The following SORCS3 variants were observed in gnomAD, a reference collection of about 807,000 sequenced individuals.
SORCS3 encodes the protein sortilin related VPS10 domain containing receptor 3.
A neutral mutation model predicts 146.3 loss-of-function variants in SORCS3; 57 were observed. That is an observed-to-expected ratio of 0.39 (90% CI 0.31 to 0.49). SORCS3 has a LOEUF of 0.49. Among genes scored for constraint, SORCS3 ranks in the 20% least tolerant of loss-of-function variants. The probability of loss-of-function intolerance (pLI) is 0.92; values close to 1 mark genes in which losing one functional copy is unlikely to be tolerated. For synonymous variants in SORCS3, 653 were observed against 618.5 expected (o/e 1.06, Z -0.83); for missense variants, 1,341 against 1,575.5 (o/e 0.85, Z 2.52).
In SORCS3 at chr10:104,696,573, A is replaced by ATT. The variant is rs1211312170; in HGVS notation, c.627+54619_627+54620insTT. On this transcript the variant is annotated intron_variant, in intron 1 of 26. Transcript: ENST00000369701. ...TATAGAATATATAATATACGTATAT[A>ATT]ATATATAATATATATTATATACGTA... Among the ~76,000 whole-genome samples the ATT allele has an allele frequency of 8.0e-3, 163 of 20,434 alleles. 25 individuals are homozygous for ATT. The highest frequency in any genetic ancestry group is 0.02 in the African/African-American group (124 of 6,090). The allele number at this position is 20,434 out of a possible 152,430, so 13.4% of individuals were successfully genotyped here. A position where few individuals can be genotyped will look rare whatever the true frequency, so the allele number is the denominator to read the frequency against.
chr10:105,201,921 T>C (rs2056577040), intron 16 of SORCS3, among the ~76,000 whole-genome samples: 1 of 152,154 alleles, frequency 6.6e-6, no homozygotes, highest in Non-Finnish European at 1.5e-5. Flanking sequence ...TGCCCAGTTT[T>C]TCTAATTTCA....
chr10:104,870,783 C>T (rs58334399), intron 2 of SORCS3, among the ~76,000 whole-genome samples: 2,463 of 152,262 alleles, frequency 0.016, 68 homozygotes, highest in African/African-American at 0.056. Context: ...TGAGGCATCC[C>T]ACACTCTCTT....
chr10:105,094,043 G>A (rs1338644388), intron 6 of SORCS3, among the ~76,000 whole-genome samples: 1 of 152,048 alleles, frequency 6.6e-6, no homozygotes, highest in Admixed American at 6.5e-5. Flanking sequence ...GATGCTACTC[G>A]GTATTACTCA....
At chr10:105,049,009 G>T (rs894760649) in intron 5 of SORCS3, among the ~76,000 whole-genome samples, 4 of 151,864 alleles carry the variant, frequency 2.6e-5, no homozygotes, top group Admixed American at 2.0e-4. Context: ...CATTTTTGAT[G>T]ATCATAAGTA....
intron 1 of SORCS3, among the ~76,000 whole-genome samples, chr10:104,661,696 GATA>G (rs2015703912): frequency 1.3e-5 from 2 of 151,962 alleles, no homozygotes; most frequent in African/African-American, 4.8e-5. Flanking sequence ...TAGATAGATA[GATA>G]GACAGATAGA....
intron 11 of SORCS3, among the ~76,000 whole-genome samples, chr10:105,161,450 TC>T (rs2056262058): frequency 6.6e-6 from 1 of 152,038 alleles, no homozygotes; most frequent in African/African-American, 2.4e-5. Context: ...CTCTCTCCAC[TC>T]CCACTGCTGA....
intron 5 of SORCS3, among the ~76,000 whole-genome samples, chr10:105,077,420 C>T (rs1308578651): frequency 1.3e-5 from 2 of 151,890 alleles, no homozygotes; most frequent in East Asian, 3.9e-4. Flanking sequence ...GATGAAGGGG[C>T]AATAACTATC....
At chr10:105,207,610 A>G (rs1187925676) in intron 16 of SORCS3, among the ~76,000 whole-genome samples, 2 of 152,188 alleles carry the variant, frequency 1.3e-5, no homozygotes, top group Non-Finnish European at 2.9e-5. Context: ...GTTTTTCTAA[A>G]TCATGCAGAC....
At chr10:104,860,985 A>T (rs1166313714) in intron 2 of SORCS3, among the ~76,000 whole-genome samples, 1 of 152,120 alleles carries the variant, frequency 6.6e-6, no homozygotes, top group African/African-American at 2.4e-5. Context: ...TAAGTGAAGG[A>T]TGAAGAGTAG....
chr10:104,850,261 G>T (rs1017785611), intron 2 of SORCS3, among the ~76,000 whole-genome samples: 5 of 152,174 alleles, frequency 3.3e-5, no homozygotes, highest in African/African-American at 1.2e-4. Context: ...AATTTAGTAA[G>T]GCTGGTCATT....
chr10:105,078,976 C>G (rs1403184947), intron 5 of SORCS3, among the ~76,000 whole-genome samples: 1 of 152,154 alleles, frequency 6.6e-6, no homozygotes, highest in Non-Finnish European at 1.5e-5. Context: ...ATAAATGATT[C>G]TCAGCTCTGA....
At chr10:105,217,499 A>T (rs1214780693) in intron 19 of SORCS3, among the ~76,000 whole-genome samples, 3 of 152,234 alleles carry the variant, frequency 2.0e-5, no homozygotes, top group African/African-American at 7.2e-5. Flanking sequence ...TCTATTATGA[A>T]TGAAGACTGC....
intron 2 of SORCS3, among the ~76,000 whole-genome samples, chr10:104,850,749 G>C (rs1204661613): frequency 6.6e-6 from 1 of 152,162 alleles, no homozygotes; most frequent in Non-Finnish European, 1.5e-5. Context: ...TAGACGAAAT[G>C]ATCTTTTGAA....
intron 2 of SORCS3, among the ~76,000 whole-genome samples, chr10:104,883,861 T>C (rs933444173): frequency 2.0e-5 from 3 of 152,156 alleles, no homozygotes; most frequent in African/African-American, 7.2e-5. Flanking sequence ...CTCCTGCCTT[T>C]GCTGTCAAAT....
chr10:105,005,340 G>C (rs1227931433), intron 4 of SORCS3, among the ~76,000 whole-genome samples: 3 of 152,118 alleles, frequency 2.0e-5, no homozygotes, highest in Non-Finnish European at 4.4e-5. Context: ...ACAAATTTTT[G>C]TGTAAAATTA....
At chr10:105,233,942 G>A (rs1337943470) in intron 20 of SORCS3, among the ~76,000 whole-genome samples, 23 of 152,194 alleles carry the variant, frequency 1.5e-4, no homozygotes, top group Admixed American at 1.4e-3. Flanking sequence ...GGATTGCTGG[G>A]TCAAAAAATT....
At chr10:104,972,416 C>T (rs1484041757) in intron 3 of SORCS3, among the ~76,000 whole-genome samples, 1 of 152,112 alleles carries the variant, frequency 6.6e-6, no homozygotes, top group East Asian at 1.9e-4. Context: ...AATATTTGCT[C>T]AAGGACCTTT....
At chr10:104,929,217 A>G (rs2019180968) in intron 3 of SORCS3, among the ~76,000 whole-genome samples, 1 of 152,200 alleles carries the variant, frequency 6.6e-6, no homozygotes, top group Non-Finnish European at 1.5e-5. Flanking sequence ...TTATAAAACA[A>G]AACAGCTTTA....
At chr10:105,248,873 T>G (rs1456982069) in intron 22 of SORCS3, among the ~76,000 whole-genome samples, 1 of 152,184 alleles carries the variant, frequency 6.6e-6, no homozygotes, top group Non-Finnish European at 1.5e-5. Context: ...TTGGCATCTA[T>G]TCTGTAGGCA....
Sources: gnomAD v4.1 joint callset for allele counts (sites outside exome capture counted in the v4.1 genomes callset) on GRCh38, gnomAD v4.1.1 for gene constraint, MANE v1.5 for transcripts, NCBI Gene and HGNC (gene_info 2026-07-23, HGNC 2026-07-21) for gene names.